FRMD4A: variants seen among roughly 807,000 people sequenced by gnomAD.
FRMD4A encodes FERM domain-containing protein 4A.
Under a neutral mutation model 129.1 loss-of-function variants are expected in FRMD4A, and 29 were observed. The observed-to-expected ratio is 0.22, with a 90% CI of 0.17 to 0.31. The LOEUF (loss-of-function observed/expected upper bound fraction) is 0.31. FRMD4A is among the 10% of genes least tolerant of loss of function. The probability of loss-of-function intolerance (pLI) is 1.00; values close to 1 mark genes in which losing one functional copy is unlikely to be tolerated. For missense variants in FRMD4A, 1,272 were observed against 1,375.8 expected, an observed-to-expected ratio of 0.92 and a Z score of 1.19; for synonymous variants, 634 against 571.6, an observed-to-expected ratio of 1.11 and a Z score of -1.56.
intron 2 of FRMD4A, among the ~76,000 whole-genome samples, chr10:14,193,087 T>C (rs1842365664): frequency 6.6e-6 from 1 of 152,246 alleles, no homozygotes; most frequent in African/African-American, 2.4e-5. Flanking sequence ...GGGCCATCCA[T>C]GGCTAATTTT....
rs570877778 is a variant in FRMD4A at position 14,031,252 on chromosome 10, C to A, written c.46-172340G>T. 4.0e-5 allele frequency among the ~76,000 whole-genome samples: 6 copies of A among 149,338 alleles called. No individual in the cohort carries two copies. In the East Asian group the frequency reaches 1.2e-3, roughly 31 times the overall value. The stretch of plus-strand genomic sequence containing the variant: ...AGACACTAATCTTTACTGCATCCTC[C>A]TGAATCTTTTATAGACATTTTTTTT... On this transcript the variant is annotated intron_variant, in intron 2 of 24. Coordinates refer to ENST00000357447, the MANE Select transcript of FRMD4A (RefSeq NM_018027.5).
chr10:13,772,197 TAATA>T (rs1445126717), intron 6 of FRMD4A, among the ~76,000 whole-genome samples: 2 of 137,334 alleles, frequency 1.5e-5, no homozygotes, highest in Admixed American at 7.3e-5. Flanking sequence ...TATTATATAA[TAATA>T]AATATTTATT....
At chr10:13,925,566 C>CCTTTTTT (rs2095122474) in intron 2 of FRMD4A, among the ~76,000 whole-genome samples, 1 of 61,938 alleles carries the variant, frequency 1.6e-5, no homozygotes, top group Non-Finnish European at 2.7e-5. Context: ...TAGTGAAACG[C>CCTTTTTT]TTTTTTTTTT....
Position 13,859,036 on chromosome 10 carries a change from C to T in FRMD4A, c.46-124G>A. On this transcript the variant is annotated intron_variant, in intron 2 of 24. Coordinates refer to ENST00000357447, the MANE Select transcript of FRMD4A (RefSeq NM_018027.5). ...GCAAAACTTCCTCTGGGAGTCGGCA[C>T]TGTATAATGCCAGGAGTTGGAAGGA... The T allele has an allele frequency of 5.6e-6, 4 of 708,272 alleles. No individual in the cohort carries two copies. The East Asian group carries it at 7.5e-5, about 13-fold the overall frequency. The allele number at this position is 708,272 out of a possible 1,614,324, so 43.9% of individuals were successfully genotyped here. A position where few individuals can be genotyped will look rare whatever the true frequency, so the allele number is the denominator to read the frequency against.
At chr10:13,696,418 G>C (rs1461578975) in intron 14 of FRMD4A, among the ~76,000 whole-genome samples, 1 of 152,152 alleles carries the variant, frequency 6.6e-6, no homozygotes, top group Admixed American at 6.5e-5. Context: ...ATTCAGTGCT[G>C]GGTGAAGGGT....
intron 3 of FRMD4A, among the ~76,000 whole-genome samples, chr10:13,856,968 A>G (rs1246722120): frequency 2.6e-5 from 4 of 152,164 alleles, no homozygotes; most frequent in Non-Finnish European, 5.9e-5. Flanking sequence ...AGTCTTGGCA[A>G]TTTGAAGCTT....
intron 2 of FRMD4A, among the ~76,000 whole-genome samples, chr10:14,130,023 C>G (rs1282515874): frequency 6.6e-6 from 1 of 152,120 alleles, no homozygotes; most frequent in Non-Finnish European, 1.5e-5. Flanking sequence ...AGGCTGTGAT[C>G]TGTCACTGTA....
At position 13,688,024 on chromosome 10, in the gene FRMD4A, C is replaced by T. The variant is rs954083629; in HGVS notation, c.1117+5874G>A. 3.9e-5 allele frequency among the ~76,000 whole-genome samples: 6 copies of T among 152,294 alleles called. No homozygotes were observed. The East Asian group carries it at 1.2e-3, about 29-fold the overall frequency. ...CTACTACGGGATTCAGGGCCCTGAT[C>T]TCAAGCCTTAACCAATCACTTTAAC... On this transcript the variant is annotated intron_variant, in intron 15 of 24. Coordinates refer to ENST00000357447, the MANE Select transcript of FRMD4A (RefSeq NM_018027.5).
At chr10:13,693,765 T>G in intron 15 of FRMD4A, 133 bp downstream of exon 15, 1 of 944,390 alleles carries the variant, frequency 1.1e-6, no homozygotes, top group Non-Finnish European at 1.7e-6. Context: ...CCAACCTTGG[T>G]CTGGAAAGCA....
chr10:13,735,318 T>C (rs572529837), intron 12 of FRMD4A, among the ~76,000 whole-genome samples: 1 of 152,254 alleles, frequency 6.6e-6, no homozygotes, highest in Non-Finnish European at 1.5e-5. Context: ...CAACCCAGTT[T>C]GGGTTAGAGA....
At chr10:13,677,736 G>C (rs2084125792) in intron 15 of FRMD4A, among the ~76,000 whole-genome samples, 1 of 152,110 alleles carries the variant, frequency 6.6e-6, no homozygotes, top group African/African-American at 2.4e-5. Flanking sequence ...CTCTTAATCT[G>C]GTTCTCTTAG....
intron 2 of FRMD4A, among the ~76,000 whole-genome samples, chr10:13,953,513 C>T (rs1416888722): frequency 6.6e-6 from 1 of 152,112 alleles, no homozygotes; most frequent in East Asian, 1.9e-4. Flanking sequence ...CACACCTTCC[C>T]ACTCCATCCC....
intron 15 of FRMD4A, among the ~76,000 whole-genome samples, chr10:13,686,061 C>T (rs1279089995): frequency 6.6e-6 from 1 of 152,100 alleles, no homozygotes; most frequent in Non-Finnish European, 1.5e-5. Flanking sequence ...GATTTCGCAG[C>T]TCTCCCTGGG....
intron 5 of FRMD4A, 137 bp from the exon 6 acceptor site, chr10:13,783,143 GT>G (rs2092776750): frequency 1.6e-6 from 1 of 621,278 alleles, no homozygotes. Flanking sequence ...ACCATCCATG[GT>G]TTTTCTATGA....
chr10:13,754,570 G>T (rs1422779897), intron 8 of FRMD4A, among the ~76,000 whole-genome samples: 1 of 14,206 alleles, frequency 7.0e-5, no homozygotes, highest in Non-Finnish European at 1.1e-4. Context: ...ATTCTTTCGT[G>T]TGTGTGTGTG....
At chr10:14,199,923 A>G (rs1305455003) in intron 2 of FRMD4A, among the ~76,000 whole-genome samples, 5 of 150,698 alleles carry the variant, frequency 3.3e-5, no homozygotes, top group African/African-American at 1.2e-4. Context: ...ATCATATATT[A>G]TATATTTATG....
chr10:13,670,176 C>T (rs908461621), intron 17 of FRMD4A, among the ~76,000 whole-genome samples: 4 of 152,138 alleles, frequency 2.6e-5, no homozygotes, highest in East Asian at 1.9e-4. Flanking sequence ...AGACCCACAG[C>T]GTCAGACAAG....
chr10:13,664,172 T>C (rs1173651380), intron 18 of FRMD4A, among the ~76,000 whole-genome samples: 1 of 152,216 alleles, frequency 6.6e-6, no homozygotes, highest in Non-Finnish European at 1.5e-5. Flanking sequence ...TCCAGCAATG[T>C]GAGCAAAGGT....
At chr10:14,174,750 T>C (rs1198790270) in intron 2 of FRMD4A, among the ~76,000 whole-genome samples, 7 of 152,172 alleles carry the variant, frequency 4.6e-5, no homozygotes, top group African/African-American at 1.7e-4. Context: ...GTTAACTGGG[T>C]TCTTCTGCAG....
Sources: allele counts gnomAD v4.1 joint callset (sites outside exome capture counted in the v4.1 genomes callset), GRCh38; gene constraint gnomAD v4.1.1; transcripts MANE v1.5; gene names NCBI Gene and HGNC (gene_info 2026-07-23, HGNC 2026-07-21).